Variants in HMGB1 observed in about 807,000 individuals in gnomAD.
HMGB1 encodes high mobility group box 1, also known as high mobility group protein B1.
For missense variants in HMGB1, 79 were observed against 253.5 expected (o/e 0.31, Z 4.67); for synonymous variants, 81 against 84.0 (o/e 0.96, Z 0.19).
intron 1 of HMGB1, among the ~76,000 whole-genome samples, chr13:30,539,397 GC>G (rs1868757515): frequency 6.6e-6 from 1 of 152,230 alleles, no homozygotes; most frequent in Admixed American, 6.5e-5. Flanking sequence ...GGCCTCGGCA[GC>G]TTATTTGAAG....
intron 1 of HMGB1, among the ~76,000 whole-genome samples, chr13:30,474,856 T>A (rs1201086234): frequency 6.9e-6 from 1 of 144,368 alleles, no homozygotes; most frequent in African/African-American, 2.7e-5. Context: ...CTTTTTTTGT[T>A]TTTTTTTTTT....
intron 1 of HMGB1, among the ~76,000 whole-genome samples, chr13:30,571,546 A>G (rs937070760): frequency 3.3e-5 from 5 of 152,088 alleles, no homozygotes; most frequent in Non-Finnish European, 5.9e-5. Flanking sequence ...TGCCCGCCTT[A>G]GCCTCCCAAA....
chr13:30,546,421 C>T lies in HMGB1; in HGVS notation c.-15+70250G>A, dbSNP rs148737365. Reference sequence around the variant, plus strand: ...GAGCCACTGAGCCCGGCCAACCTCACGTTTTATACTTGGGGAGAAGTGGTT... The same window carrying T: ...GAGCCACTGAGCCCGGCCAACCTCATGTTTTATACTTGGGGAGAAGTGGTT... On this transcript the variant is annotated intron_variant, in intron 1 of 4. Coordinates refer to the HMGB1 transcript ENST00000405805. 6.3e-3 allele frequency among the ~76,000 whole-genome samples: 964 copies of T among 152,144 alleles called. 9 individuals carry two copies. The highest frequency in any genetic ancestry group is 0.022 in the African/African-American group (910 of 41,500).
chr13:30,599,500 G>A (rs916598649), intron 1 of HMGB1, among the ~76,000 whole-genome samples: 2 of 152,070 alleles, frequency 1.3e-5, no homozygotes, highest in African/African-American at 4.8e-5. Flanking sequence ...AAAAAACCCT[G>A]ATAACACTAC....
At chr13:30,510,996 T>C (rs746798274) in intron 1 of HMGB1, among the ~76,000 whole-genome samples, 3 of 152,212 alleles carry the variant, frequency 2.0e-5, no homozygotes, top group Non-Finnish European at 4.4e-5. Context: ...TTGCTCATTC[T>C]TTTAAATGTA....
chr13:30,573,075 A>G (rs1313917063), intron 1 of HMGB1, among the ~76,000 whole-genome samples: 1 of 152,224 alleles, frequency 6.6e-6, no homozygotes, highest in African/African-American at 2.4e-5. Flanking sequence ...AAAGGAATCT[A>G]GAAGACACAA....
At chr13:30,537,680 T>TATATATATATATAA (rs1868515209) in intron 1 of HMGB1, among the ~76,000 whole-genome samples, 1 of 117,834 alleles carries the variant, frequency 8.5e-6, no homozygotes, top group Non-Finnish European at 1.8e-5. Context: ...TATATATATA[T>TATATATATATATAA]ATATATATAT....
chr13:30,602,954 C>T (rs986039585), intron 1 of HMGB1, among the ~76,000 whole-genome samples: 2 of 152,174 alleles, frequency 1.3e-5, no homozygotes, highest in Non-Finnish European at 2.9e-5. Flanking sequence ...CAGGCACATG[C>T]CACCACGTCC....
intron 1 of HMGB1, among the ~76,000 whole-genome samples, chr13:30,534,355 G>A (rs975149183): frequency 1.3e-5 from 2 of 152,194 alleles, no homozygotes; most frequent in South Asian, 2.1e-4. Context: ...TTCTTTGGGC[G>A]AAAGCTCTGC....
chr13:30,582,219 T>C (rs1239522771), intron 1 of HMGB1, among the ~76,000 whole-genome samples: 1 of 152,218 alleles, frequency 6.6e-6, no homozygotes, highest in Non-Finnish European at 1.5e-5. Flanking sequence ...CCATACTTTA[T>C]TGGAATTAGC....
Position 30,560,923 on chromosome 13 carries a change from T to A in HMGB1, c.-15+55748A>T, listed in dbSNP as rs1421615422. On this transcript the variant is annotated intron_variant, in intron 1 of 4. Transcript: ENST00000405805. ...GAGGCTGGAGTTCATAAATCAGAAC[T>A]GGCTACAGGTTATATATGTTTTTTT... 3.3e-5 allele frequency among the ~76,000 whole-genome samples: 5 copies of A among 151,454 alleles called. No homozygotes were observed. The East Asian group carries it at 9.8e-4, about 30-fold the overall frequency.
At chr13:30,588,117 A>G (rs1397813572) in intron 1 of HMGB1, among the ~76,000 whole-genome samples, 1 of 152,252 alleles carries the variant, frequency 6.6e-6, no homozygotes, top group Non-Finnish European at 1.5e-5. Context: ...TCATGTGCTC[A>G]GCACTGCCAA....
chr13:30,597,610 AC>A (rs1276678036), intron 1 of HMGB1, among the ~76,000 whole-genome samples: 2 of 152,228 alleles, frequency 1.3e-5, no homozygotes, highest in East Asian at 3.8e-4. Context: ...TTTACAGTAT[AC>A]CACAAGCCTG....
At chr13:30,592,871 T>TAAAAAA (rs376893348) in intron 1 of HMGB1, among the ~76,000 whole-genome samples, 42 of 139,188 alleles carry the variant, frequency 3.0e-4, no homozygotes, top group African/African-American at 1.0e-3. Context: ...TGCTTTTTTT[T>TAAAAAA]AAAAAAAAAA....
chr13:30,461,635 A>G (rs1469462687), intron 4 of HMGB1, 102 bp from the exon 5 acceptor site: 3 of 1,586,064 alleles, frequency 1.9e-6, no homozygotes, highest in Non-Finnish European at 2.6e-6. Context: ...GATTCTAGTT[A>G]TACCAAAATA....
At chr13:30,513,905 AT>A (rs1888046202) in intron 1 of HMGB1, among the ~76,000 whole-genome samples, 2 of 152,066 alleles carry the variant, frequency 1.3e-5, no homozygotes, top group Non-Finnish European at 2.9e-5. Context: ...GAGTCACCAG[AT>A]TTCTTTTTGT....
At chr13:30,550,963 T>C (rs895682647) in intron 1 of HMGB1, among the ~76,000 whole-genome samples, 5 of 152,208 alleles carry the variant, frequency 3.3e-5, no homozygotes, top group Non-Finnish European at 4.4e-5. Context: ...CCCTGGCACA[T>C]GTTCACTTTA....
At chr13:30,594,582 G>C (rs1431516574) in intron 1 of HMGB1, among the ~76,000 whole-genome samples, 1 of 152,102 alleles carries the variant, frequency 6.6e-6, no homozygotes, top group Non-Finnish European at 1.5e-5. Context: ...TGGCTGTGTA[G>C]TATTCCATGT....
chr13:30,555,967 T>C (rs1869668897), intron 1 of HMGB1, among the ~76,000 whole-genome samples: 1 of 152,222 alleles, frequency 6.6e-6, no homozygotes, highest in South Asian at 2.1e-4. Context: ...ATGAGAATTA[T>C]TCAAAAGAAA....
Sources: gnomAD v4.1 joint callset for allele counts (sites outside exome capture counted in the v4.1 genomes callset) on GRCh38, gnomAD v4.1.1 for gene constraint, MANE v1.5 for transcripts, NCBI Gene and HGNC (gene_info 2026-07-23, HGNC 2026-07-21) for gene names.